The following GABRA3 variants were observed in gnomAD, a reference collection of about 807,000 sequenced individuals.
GABRA3 encodes the protein gamma-aminobutyric acid type A receptor subunit alpha3, also known as gamma-aminobutyric acid receptor subunit alpha-3.
GABRA3 carries 10 observed loss-of-function variants against 30.1 expected under a neutral mutation model. That is an observed-to-expected ratio of 0.33 (90% CI 0.20 to 0.56). The LOEUF is 0.56. Ranked by LOEUF, GABRA3 falls within the 20% of genes least tolerant of loss-of-function variation. The pLI, the probability that GABRA3 is intolerant of heterozygous loss-of-function variation, is 0.89. For synonymous variants in GABRA3, 151 were observed against 146.8 expected, an observed-to-expected ratio of 1.03 and a Z score of -0.21; for missense variants, 233 against 392.0, an observed-to-expected ratio of 0.59 and a Z score of 3.42.
intron 3 of GABRA3, among the ~76,000 whole-genome samples, chrX:152,337,469 C>G (rs1285921056): frequency 9.0e-6 from 1 of 111,416 alleles, no homozygotes; most frequent in Admixed American, 9.6e-5. Flanking sequence ...ATTTGTCTTT[C>G]TGTGCTTGGC....
chrX:152,174,193 T>A (rs1407943060), intron 9 of GABRA3, among the ~76,000 whole-genome samples: 5 of 110,688 alleles, frequency 4.5e-5, no homozygotes, highest in Non-Finnish European at 7.6e-5. Flanking sequence ...TCTATCATTG[T>A]TGGACATTTG....
At chrX:152,286,595 G>A (rs188246986) in intron 3 of GABRA3, among the ~76,000 whole-genome samples, 1 of 111,357 alleles carries the variant, frequency 9.0e-6, no homozygotes, top group East Asian at 2.8e-4. Context: ...TACCATATTA[G>A]CTGTACTCAT....
intron 2 of GABRA3, among the ~76,000 whole-genome samples, chrX:152,350,086 C>T (rs1174331975): frequency 4.1e-5 from 4 of 96,904 alleles, no homozygotes; most frequent in East Asian, 6.9e-4. Flanking sequence ...TGTAAAAGAA[C>T]AGAAATTATA....
chrX:152,437,822 G>A (rs1439620386), intron 1 of GABRA3, among the ~76,000 whole-genome samples: 1 of 111,891 alleles, frequency 8.9e-6, no homozygotes, highest in African/African-American at 3.2e-5. Context: ...GCAGAAAAAA[G>A]ATGAATCTTG....
At chrX:152,322,013 G>A (rs1296589205) in intron 3 of GABRA3, among the ~76,000 whole-genome samples, 4 of 111,938 alleles carry the variant, frequency 3.6e-5, no homozygotes, top group Non-Finnish European at 1.9e-5. Flanking sequence ...GAAAACAGGT[G>A]TTCAAACAAA....
Position 152,360,726 on chromosome X carries a change from TAAAAAAAAAAATTAAA to T in GABRA3, c.140+3689_140+3704del, listed in dbSNP as rs1227199407. On this transcript the variant is annotated intron_variant, in intron 2 of 9. Transcript: ENST00000370314. ...AAAAAAAAAATTAAAAAAAAAAAAT[TAAAAAAAAAAATTAAA>T]AAAAAAAATAAATTAAAAAAAAAAA... 7.7e-3 allele frequency among the ~76,000 whole-genome samples: 354 copies of T among 45,953 alleles called. 4 individuals carry two copies. Among genetic ancestry groups the T allele is most frequent in the African/African-American group, 0.03 (335 of 11,247 alleles). 39.9% of individuals were successfully genotyped at this position (45,953 alleles called of 115,157 possible).
intron 2 of GABRA3, among the ~76,000 whole-genome samples, chrX:152,358,168 A>T (rs1048828255): frequency 9.0e-6 from 1 of 111,133 alleles, no homozygotes; most frequent in African/African-American, 3.3e-5. Context: ...AACAATATTG[A>T]TTCTTCCTAT....
At chrX:152,289,481 T>C (rs1256723451) in intron 3 of GABRA3, among the ~76,000 whole-genome samples, 2 of 111,416 alleles carry the variant, frequency 1.8e-5, no homozygotes, top group Admixed American at 9.6e-5. Flanking sequence ...CTTTTTTTTT[T>C]TTCCTTTGGC....
chrX:152,292,422 T>G (rs1484079860), intron 3 of GABRA3, among the ~76,000 whole-genome samples: 4 of 111,819 alleles, frequency 3.6e-5, no homozygotes, highest in Non-Finnish European at 7.5e-5. Context: ...TTGCATCTAT[T>G]TGATTCTTCT....
intron 1 of GABRA3, among the ~76,000 whole-genome samples, chrX:152,388,760 G>A (rs1362936835): frequency 1.8e-5 from 2 of 111,976 alleles, no homozygotes; most frequent in Non-Finnish European, 3.8e-5. Flanking sequence ...TTTGCTTCAG[G>A]ATCAGATGCA....
intron 1 of GABRA3, among the ~76,000 whole-genome samples, chrX:152,441,681 G>C (rs1930935934): frequency 9.0e-6 from 1 of 111,668 alleles, no homozygotes; most frequent in Non-Finnish European, 1.9e-5. Flanking sequence ...AGAGAGCCTA[G>C]AAATAGACTC....
intron 3 of GABRA3, among the ~76,000 whole-genome samples, chrX:152,291,539 C>T (rs1411300956): frequency 9.0e-6 from 1 of 111,693 alleles, no homozygotes; most frequent in Non-Finnish European, 1.9e-5. Flanking sequence ...CCAGAACTTT[C>T]AACACTATGT....
At chrX:152,449,075 C>A (rs1931156784) in intron 1 of GABRA3, among the ~76,000 whole-genome samples, 1 of 112,010 alleles carries the variant, frequency 8.9e-6, no homozygotes, top group Non-Finnish European at 1.9e-5. Context: ...ACTCTGTGGT[C>A]TTATTGGATC....
chrX:152,182,434 G>A (rs1603200450), intron 9 of GABRA3, among the ~76,000 whole-genome samples: 1 of 82,486 alleles, frequency 1.2e-5, no homozygotes, highest in African/African-American at 5.0e-5. Flanking sequence ...ACTATATATA[G>A]TATGTATACA....
chrX:152,368,286 AC>A (rs1050487616), intron 1 of GABRA3, among the ~76,000 whole-genome samples: 31 of 110,875 alleles, frequency 2.8e-4, no homozygotes, highest in Admixed American at 8.6e-4. Flanking sequence ...ACATCTACCC[AC>A]CCCAGACCAT....
intron 5 of GABRA3, among the ~76,000 whole-genome samples, chrX:152,226,939 G>A (rs1937969439): frequency 9.0e-6 from 1 of 111,658 alleles, no homozygotes; most frequent in African/African-American, 3.3e-5. Context: ...TGGTGGGACT[G>A]TAAACTAGTT....
chrX:152,262,314 A>G (rs907076489), intron 4 of GABRA3, among the ~76,000 whole-genome samples: 5 of 112,424 alleles, frequency 4.4e-5, no homozygotes, highest in East Asian at 2.8e-4. Context: ...ACTTATACAA[A>G]TTTCTGCAGC....
chrX:152,299,538 C>T (rs1181402649), intron 3 of GABRA3, among the ~76,000 whole-genome samples: 2 of 111,454 alleles, frequency 1.8e-5, no homozygotes, highest in African/African-American at 6.5e-5. Context: ...AATGTCATAA[C>T]GGAGAATAAA....
chrX:152,210,242 T>G (rs2124368074), intron 6 of GABRA3, among the ~76,000 whole-genome samples: 1 of 112,165 alleles, frequency 8.9e-6, no homozygotes, highest in East Asian at 2.8e-4. Context: ...ATACTTTGTG[T>G]GCTTAAAGAT....
Sources: allele counts gnomAD v4.1 joint callset (sites outside exome capture counted in the v4.1 genomes callset), GRCh38; gene constraint gnomAD v4.1.1; transcripts MANE v1.5; gene names NCBI Gene and HGNC (gene_info 2026-07-23, HGNC 2026-07-21).